Variants in PLAGL1 observed in about 807,000 individuals in gnomAD.
The protein encoded by PLAGL1 is PLAG1 like zinc finger 1.
In PLAGL1, 1 loss-of-function variant was observed where a neutral mutation model predicts 4.6. The observed-to-expected ratio is 0.22, with a 90% CI of 0.08 to 1.03. The LOEUF (loss-of-function observed/expected upper bound fraction) is 1.03, where lower values mean the gene tolerates loss of function less well. Among genes scored for constraint, PLAGL1 ranks in the 50% least tolerant of loss-of-function variants. The pLI is 0.58. For missense variants in PLAGL1, 464 were observed against 570.4 expected, an observed-to-expected ratio of 0.81 and a Z score of 1.90; for synonymous variants, 240 against 237.8, an observed-to-expected ratio of 1.01 and a Z score of -0.08.
rs1778343905 is a variant in PLAGL1, at chr6:143,940,466, CTTT to C, written c.*955_*957del. The C allele has an allele frequency of 6.6e-6, 1 of 152,128 alleles. No individual in the cohort carries two copies. Among genetic ancestry groups the C allele is most frequent in the African/African-American group, 2.4e-5 (1 of 41,418 alleles). 9.4% of individuals were successfully genotyped at this position (152,128 alleles called of 1,614,324 possible). ...TAGTTACATTGTAAAACGTAATCTT[CTTT>C]TAATAAAAGCTAATAATGACTGATG... On this transcript the variant is annotated 3_prime_UTR_variant, in exon 8 of 8. Transcript: ENST00000674357.
rs1017300682 is a variant in PLAGL1, at chr6:143,954,782, ATTAT to A, written c.-325+5683_-325+5686del. Among the ~76,000 whole-genome samples the A allele has an allele frequency of 1.3e-4, 20 of 152,362 alleles. No individual in the cohort carries two copies. Among genetic ancestry groups the A allele is most frequent in the Admixed American group, 5.9e-4 (9 of 15,300 alleles). Reference sequence around the variant, plus strand: ...AAAGGCATAAAATTGGAATGGAATAATTATTTATTTGCAGAGGAATGTCGATATA... The same window carrying A: ...AAAGGCATAAAATTGGAATGGAATAATTATTTGCAGAGGAATGTCGATATA... On this transcript the variant is annotated intron_variant, in intron 6 of 7. Coordinates refer to ENST00000674357, the MANE Select transcript of PLAGL1 (RefSeq NM_001317162.2). This position sits in a 1 kb window ranked among gnomAD's most constrained non-coding sequence, Gnocchi z 5.1.
rs557104198 is a variant in PLAGL1, at chr6:144,014,442, T to C, written c.-150-45464A>G. 3.3e-4 allele frequency among the ~76,000 whole-genome samples: 50 copies of C among 150,356 alleles called. No individual in the cohort carries two copies. In the Middle Eastern group the frequency reaches 0.021, roughly 62 times the overall value. ...AGACTCTGTCTCAAAAAAATAAAAA[T>C]AAAAAAAAGACAGTCGGGTACTGAC... On this transcript the variant is annotated intron_variant, in intron 1 of 3. Coordinates refer to the PLAGL1 transcript ENST00000437412.
chr6:144,041,195 A>G (rs1348926734), intron 1 of PLAGL1, among the ~76,000 whole-genome samples: 1 of 151,968 alleles, frequency 6.6e-6, no homozygotes, highest in East Asian at 1.9e-4. Flanking sequence ...TTCTATATAT[A>G]TATATACTTT....
Position 144,063,570 on chromosome 6 carries a change from G to C in PLAGL1, c.-151+898C>G, listed in dbSNP as rs1158446512. Reference sequence around the variant, plus strand: ...TCATTATTTATTCCGTGAATACATCGGAGTTCTGTTCTTTCGGTGGCCACA... The same window carrying C: ...TCATTATTTATTCCGTGAATACATCCGAGTTCTGTTCTTTCGGTGGCCACA... On this transcript the variant is annotated intron_variant, in intron 1 of 3. Coordinates refer to the PLAGL1 transcript ENST00000437412. This position sits in a 1 kb window ranked among gnomAD's most constrained non-coding sequence, Gnocchi z 5.7. Among the ~76,000 whole-genome samples the C allele has an allele frequency of 2.0e-4, 31 of 152,180 alleles. No homozygotes were observed. The highest frequency in any genetic ancestry group is 2.0e-3 in the Admixed American group (31 of 15,266).
At position 143,949,781 on chromosome 6, in the gene PLAGL1, T is replaced by G. The variant is rs76015148; in HGVS notation, c.-324-1321A>C. On this transcript the variant is annotated intron_variant, in intron 6 of 7. Transcript: ENST00000674357. This position sits in a 1 kb window ranked among gnomAD's most constrained non-coding sequence, Gnocchi z 5.3. ...AAACTGACCAATTGCAGTGAGTCTTTAAAGCCCTCCCTGCTCCTTGCAGTC... is the reference window on the plus strand; with the variant it reads ...AAACTGACCAATTGCAGTGAGTCTTGAAAGCCCTCCCTGCTCCTTGCAGTC... 0.036 allele frequency among the ~76,000 whole-genome samples: 5,448 copies of G among 152,266 alleles called. 350 individuals carry two copies. Among genetic ancestry groups the G allele is most frequent in the African/African-American group, 0.12 (5,133 of 41,528 alleles).
At chr6:143,993,798 C>T (rs1791054689) in intron 1 of PLAGL1, among the ~76,000 whole-genome samples, 4 of 152,124 alleles carry the variant, frequency 2.6e-5, no homozygotes, top group South Asian at 2.1e-4. Flanking sequence ...AAAACCAGGA[C>T]TCATGCATGA....
intron 1 of PLAGL1, among the ~76,000 whole-genome samples, chr6:144,019,015 C>A (rs1256795017): frequency 6.6e-6 from 1 of 151,244 alleles, no homozygotes; most frequent in African/African-American, 2.4e-5. Context: ...GCCTGGGGTA[C>A]AGAGAAAGAC....
rs188388201 is a variant in PLAGL1 at position 143,947,395 on chromosome 6, C to T, written c.152+590G>A. Among the ~76,000 whole-genome samples, 150 of 152,318 alleles carry T rather than the reference C, an allele frequency of 9.8e-4. No homozygotes were observed. Among genetic ancestry groups the T allele is most frequent in the African/African-American group, 3.4e-3 (142 of 41,564 alleles). On this transcript the variant is annotated intron_variant, in intron 7 of 7. Transcript: ENST00000674357. This position sits in a 1 kb window ranked among gnomAD's most constrained non-coding sequence, Gnocchi z 4.3. Reference sequence around the variant, plus strand: ...TGAGTCCTCTTTCTAGGATACTAAACGAATCATATTTCTTCACTACTTATA... The same window carrying T: ...TGAGTCCTCTTTCTAGGATACTAAATGAATCATATTTCTTCACTACTTATA...
Position 144,013,512 on chromosome 6 carries a change from A to G in PLAGL1, c.-150-44534T>C, listed in dbSNP as rs975565869. ...ATAGCTGCCATAACAAATTACCACA[A>G]ACTGGTGGCATAAAACATGAAATTT... On this transcript the variant is annotated intron_variant, in intron 1 of 3. Coordinates refer to the PLAGL1 transcript ENST00000437412. The surrounding 1 kb of genome is among the most constrained non-coding windows in gnomAD (Gnocchi z 4.4). Among the ~76,000 whole-genome samples, 6 of 152,242 alleles carry G rather than the reference A, an allele frequency of 3.9e-5. No individual in the cohort carries two copies. The highest frequency in any genetic ancestry group is 1.4e-4 in the African/African-American group (6 of 41,462).
chr6:144,060,887 T>C (rs1018918201), intron 1 of PLAGL1, among the ~76,000 whole-genome samples: 1 of 152,248 alleles, frequency 6.6e-6, no homozygotes, highest in Non-Finnish European at 1.5e-5. Flanking sequence ...GCAGTTGAGT[T>C]GCTAAACAAT....
Position 143,953,480 on chromosome 6 carries a change from T to C in PLAGL1, c.-324-5020A>G, listed in dbSNP as rs1023340087. ...AAAATTGAGAAAGCTGTCCAGATGA[T>C]TATGCTACAGCTTTGGAACATCAAA... On this transcript the variant is annotated intron_variant, in intron 6 of 7. Coordinates refer to ENST00000674357, the MANE Select transcript of PLAGL1 (RefSeq NM_001317162.2). The surrounding 1 kb of genome is among the most constrained non-coding windows in gnomAD (Gnocchi z 5.3). Among the ~76,000 whole-genome samples the C allele has an allele frequency of 1.3e-5, 2 of 152,248 alleles. No homozygotes were observed. The highest frequency in any genetic ancestry group is 2.9e-5 in the Non-Finnish European group (2 of 68,042).
At chr6:144,001,883 C>T (rs569306098) in intron 1 of PLAGL1, among the ~76,000 whole-genome samples, 2 of 152,122 alleles carry the variant, frequency 1.3e-5, no homozygotes, top group South Asian at 2.1e-4. Context: ...ATAACCAGTA[C>T]TCTTCAAAAG....
At chr6:144,011,006 A>G (rs1305287878), upstream of PLAGL1, among the ~76,000 whole-genome samples, 1 of 152,226 alleles carries the variant, frequency 6.6e-6, no homozygotes, top group African/African-American at 2.4e-5. The surrounding 1 kb of genome is among the most constrained non-coding windows in gnomAD (Gnocchi z 4.3). Flanking sequence ...TAAAAAGCCT[A>G]GAAGAAAACC....
intron 1 of PLAGL1, among the ~76,000 whole-genome samples, chr6:144,051,138 A>G (rs1798551533): frequency 6.6e-6 from 1 of 152,228 alleles, no homozygotes; most frequent in African/African-American, 2.4e-5. Flanking sequence ...ATGTCTAGGA[A>G]ATCACCTCAA....
rs993030711 is a variant in PLAGL1 at position 144,013,850 on chromosome 6, A to G, written c.-150-44872T>C. Among the ~76,000 whole-genome samples, 17 of 152,168 alleles carry G rather than the reference A, an allele frequency of 1.1e-4. No homozygotes were observed. Among genetic ancestry groups the G allele is most frequent in the Admixed American group, 1.3e-4 (2 of 15,274 alleles). On this transcript the variant is annotated intron_variant, in intron 1 of 3. Coordinates refer to the PLAGL1 transcript ENST00000437412. The surrounding 1 kb of genome is among the most constrained non-coding windows in gnomAD (Gnocchi z 4.4). ...TGGTCTCCTCATTTCAAGATCCGTAACTTAAGTCACATCTGCAAAGACCCT... is the reference window on the plus strand; with the variant it reads ...TGGTCTCCTCATTTCAAGATCCGTAGCTTAAGTCACATCTGCAAAGACCCT...
At position 143,973,557 on chromosome 6, in the gene PLAGL1, ACTCT is replaced by A. The variant is rs1185655431; in HGVS notation, c.-543-4583_-543-4580del. Among the ~76,000 whole-genome samples, 1 of 151,660 alleles carries A rather than the reference ACTCT, an allele frequency of 6.6e-6. No homozygotes were observed. The highest frequency in any genetic ancestry group is 1.5e-5 in the Non-Finnish European group (1 of 67,926). ...TTCCATAAATAAACTTCTCCCTCTC[ACTCT>A]CCCTTTCTTCCTCCATCCTACAACC... On this transcript the variant is annotated intron_variant, in intron 2 of 7. Coordinates refer to ENST00000674357, the MANE Select transcript of PLAGL1 (RefSeq NM_001317162.2). The surrounding 1 kb of genome is among the most constrained non-coding windows in gnomAD (Gnocchi z 6.2).
In PLAGL1 at chr6:143,971,131, G is replaced by A. The variant is rs966096281; in HGVS notation, c.-543-2153C>T. On this transcript the variant is annotated intron_variant, in intron 2 of 7. Transcript: ENST00000674357. This position sits in a 1 kb window ranked among gnomAD's most constrained non-coding sequence, Gnocchi z 4.7. ...TATCTTCAAGTTAATACTTATGAGG[G>A]TGAGAGTCTACCAATGATCAAAGTC... Among the ~76,000 whole-genome samples, 2 of 151,836 alleles carry A rather than the reference G, an allele frequency of 1.3e-5. No individual in the cohort carries two copies. Among genetic ancestry groups the A allele is most frequent in the African/African-American group, 4.8e-5 (2 of 41,318 alleles).
In PLAGL1 at chr6:144,004,577, G is replaced by A. The variant is rs62427128; in HGVS notation, c.-584+3513C>T. Among the ~76,000 whole-genome samples, 17,439 of 152,204 alleles carry A rather than the reference G, an allele frequency of 0.11. 1,251 individuals are homozygous for A. The highest frequency in any genetic ancestry group is 0.2 in the South Asian group (970 of 4,818). On this transcript the variant is annotated intron_variant, in intron 1 of 7. Transcript: ENST00000674357. The surrounding 1 kb of genome is among the most constrained non-coding windows in gnomAD (Gnocchi z 4.2). ...ATAGAAATCGGGACAGTAGTTGACT[G>A]GGGGAAGCGAGTGGCTCCATTGATA...
In PLAGL1 at chr6:144,050,905, A is replaced by G. The variant is rs1237537466; in HGVS notation, c.-151+13563T>C. ...AAGCAAGACCCTGTCTCAAAAACAA[A>G]ACAAAGCCAAAAACCTTAGGGAACT... On this transcript the variant is annotated intron_variant, in intron 1 of 3. Transcript: ENST00000437412. The surrounding 1 kb of genome is among the most constrained non-coding windows in gnomAD (Gnocchi z 4.3). 6.6e-6 allele frequency among the ~76,000 whole-genome samples: 1 copy of G among 152,144 alleles called. No homozygotes were observed. The highest frequency in any genetic ancestry group is 1.5e-5 in the Non-Finnish European group (1 of 68,010).
Sources: allele counts gnomAD v4.1 joint callset (sites outside exome capture counted in the v4.1 genomes callset), GRCh38; gene constraint gnomAD v4.1.1; non-coding constraint Gnocchi (gnomAD v3.1); transcripts MANE v1.5; gene names NCBI Gene and HGNC (gene_info 2026-07-23, HGNC 2026-07-21).